The following SEMA3A variants were observed in gnomAD, a reference collection of about 807,000 sequenced individuals.
SEMA3A encodes the protein semaphorin-3A.
A neutral mutation model predicts 97.9 loss-of-function variants in SEMA3A; 29 were observed. That is an observed-to-expected ratio of 0.30 (90% CI 0.22 to 0.40). SEMA3A has a LOEUF of 0.40. SEMA3A is among the 10% of genes least tolerant of loss of function. The pLI is 1.00. For missense variants in SEMA3A, 763 were observed against 951.3 expected, an observed-to-expected ratio of 0.80 and a Z score of 2.60; for synonymous variants, 321 against 323.7, an observed-to-expected ratio of 0.99 and a Z score of 0.09.
chr7:83,984,519 T>C (rs912710912), intron 13 of SEMA3A, among the ~76,000 whole-genome samples: 4 of 151,870 alleles, frequency 2.6e-5, no homozygotes, highest in Non-Finnish European at 5.9e-5. Context: ...AGAAATAAGA[T>C]TTGCCAAATG....
At chr7:84,014,816 T>C (rs1791031687) in intron 6 of SEMA3A, among the ~76,000 whole-genome samples, 1 of 152,096 alleles carries the variant, frequency 6.6e-6, no homozygotes. Flanking sequence ...ATAAATCCTC[T>C]CCTGTCATTC....
rs184453687 is a variant in SEMA3A at position 84,082,935 on chromosome 7, C to T, written c.454-22377G>A. Among the ~76,000 whole-genome samples, 1,074 of 151,802 alleles carry T rather than the reference C, an allele frequency of 7.1e-3. 7 individuals are homozygous for T. The highest frequency in any genetic ancestry group is 0.012 in the Non-Finnish European group (791 of 67,830). On this transcript the variant is annotated intron_variant, in intron 4 of 16. Transcript: ENST00000265362. ...AATGTATGATGGGATGATATTCTTACCTGTATTATAATAATTATAATAAAA... is the reference window on the plus strand; with the variant it reads ...AATGTATGATGGGATGATATTCTTATCTGTATTATAATAATTATAATAAAA...
chr7:84,107,049 A>G (rs910975423), intron 4 of SEMA3A, among the ~76,000 whole-genome samples: 1 of 152,180 alleles, frequency 6.6e-6, no homozygotes, highest in African/African-American at 2.4e-5. Flanking sequence ...TAAGTCCTTT[A>G]TCTGAAAAGT....
intron 15 of SEMA3A, among the ~76,000 whole-genome samples, chr7:83,963,771 A>T (rs1788571654): frequency 6.6e-6 from 1 of 152,242 alleles, no homozygotes; most frequent in South Asian, 2.1e-4. Flanking sequence ...GGAAACAAGG[A>T]TGTATTTCAG....
chr7:84,277,245 G>A (rs1373038760), intron 3 of SEMA3A, among the ~76,000 whole-genome samples: 1 of 152,004 alleles, frequency 6.6e-6, no homozygotes. Flanking sequence ...TATTAGGCAT[G>A]CATGAGTGAT....
At chr7:84,384,183 A>T (rs1389416865) in intron 1 of SEMA3A, among the ~76,000 whole-genome samples, 1 of 152,118 alleles carries the variant, frequency 6.6e-6, no homozygotes, top group African/African-American at 2.4e-5. Flanking sequence ...TTTTTATGAC[A>T]TTGGGAAATT....
chr7:84,080,453 A>G (rs535113083), intron 4 of SEMA3A, among the ~76,000 whole-genome samples: 12 of 152,166 alleles, frequency 7.9e-5, no homozygotes, highest in Non-Finnish European at 1.2e-4. Context: ...ATTCCAAATT[A>G]TATTTTCATT....
rs144145152 is a variant in SEMA3A, at chr7:84,291,497, G to A, written c.-83+15710C>T. Among the ~76,000 whole-genome samples, 145 of 151,922 alleles carry A rather than the reference G, an allele frequency of 9.5e-4. No individual in the cohort carries two copies. The East Asian group carries it at 0.026, about 27-fold the overall frequency. ...TTCTGCATTGCCAACTAATTTTCAT[G>A]ACCTATCAGAAAAATGTTAAAAATT... is the stretch of plus-strand genomic sequence containing the variant. On this transcript the variant is annotated intron_variant, in intron 3 of 3. Transcript: ENST00000424555.
intron 1 of SEMA3A, among the ~76,000 whole-genome samples, chr7:84,424,975 T>C (rs1244321834): frequency 9.7e-6 from 1 of 103,400 alleles, no homozygotes; most frequent in Non-Finnish European, 1.7e-5. Flanking sequence ...TTTATATATT[T>C]ATAATTTATA....
intron 1 of SEMA3A, among the ~76,000 whole-genome samples, chr7:84,484,454 A>G (rs1029793878): frequency 6.6e-6 from 1 of 152,010 alleles, no homozygotes; most frequent in Admixed American, 6.6e-5. Context: ...CTTCTTTTTA[A>G]TTTAACAAAC....
At chr7:84,086,712 A>ATATGTATACATATATATGTGTG (rs138659470) in intron 4 of SEMA3A, among the ~76,000 whole-genome samples, 102 of 148,978 alleles carry the variant, frequency 6.8e-4, no homozygotes, top group African/African-American at 1.9e-3. Flanking sequence ...AACATCATAT[A>ATATGTATACATATATATGTGTG]TATGTATACA....
At chr7:84,013,230 A>C (rs1450514855) in intron 7 of SEMA3A, among the ~76,000 whole-genome samples, 1 of 152,186 alleles carries the variant, frequency 6.6e-6, no homozygotes, top group Non-Finnish European at 1.5e-5. Flanking sequence ...TTGCAGGAAT[A>C]CTGCACTAGG....
At chr7:84,072,410 C>A (rs1035628523) in intron 4 of SEMA3A, among the ~76,000 whole-genome samples, 2 of 151,916 alleles carry the variant, frequency 1.3e-5, no homozygotes, top group Non-Finnish European at 2.9e-5. Flanking sequence ...TTTTTCCTGA[C>A]TGTTTTTGCT....
At chr7:84,131,791 TTTA>T in intron 2 of SEMA3A, among the ~76,000 whole-genome samples, 1 of 151,872 alleles carries the variant, frequency 6.6e-6, no homozygotes, top group African/African-American at 2.4e-5. Flanking sequence ...TATTTATTTA[TTTA>T]TTTATTTATT....
intron 1 of SEMA3A, among the ~76,000 whole-genome samples, chr7:84,376,529 G>A (rs971723423): frequency 6.5e-5 from 9 of 138,280 alleles, no homozygotes; most frequent in African/African-American, 1.9e-4. Flanking sequence ...GCGTGAACCC[G>A]GGAGGCGGAG....
chr7:84,428,138 T>C (rs1358464340), intron 1 of SEMA3A, among the ~76,000 whole-genome samples: 1 of 152,130 alleles, frequency 6.6e-6, no homozygotes, highest in Admixed American at 6.6e-5. Context: ...TAGAGAACTT[T>C]CATTACAATA....
At chr7:84,366,293 G>T (rs1802845873) in intron 2 of SEMA3A, among the ~76,000 whole-genome samples, 1 of 151,158 alleles carries the variant, frequency 6.6e-6, no homozygotes, top group African/African-American at 2.4e-5. Flanking sequence ...CAGACCTGAA[G>T]TAGGCCCACG....
At chr7:84,399,669 G>A (rs1016186386) in intron 1 of SEMA3A, among the ~76,000 whole-genome samples, 6 of 152,176 alleles carry the variant, frequency 3.9e-5, no homozygotes, top group African/African-American at 2.4e-5. Context: ...CCCATTGTGA[G>A]CCAGAAAGAA....
intron 1 of SEMA3A, among the ~76,000 whole-genome samples, chr7:84,396,222 A>C (rs1803727681): frequency 1.3e-5 from 2 of 152,060 alleles, no homozygotes; most frequent in Non-Finnish European, 1.5e-5. Flanking sequence ...TGAAATTGTG[A>C]ATATAATATA....
Sources: allele counts gnomAD v4.1 joint callset (sites outside exome capture counted in the v4.1 genomes callset), GRCh38; gene constraint gnomAD v4.1.1; transcripts MANE v1.5; gene names NCBI Gene and HGNC (gene_info 2026-07-23, HGNC 2026-07-21).